Variants in ALCAM observed in about 807,000 individuals in gnomAD.
ALCAM encodes the protein CD166 antigen.
In ALCAM, 30 loss-of-function variants were observed where a neutral mutation model predicts 70.9. The ratio of observed to expected loss-of-function variants is 0.42; its 90% CI spans 0.32 to 0.57. ALCAM has a LOEUF of 0.57. Among genes scored for constraint, ALCAM ranks in the 20% least tolerant of loss-of-function variants. ALCAM has a pLI of 0.11. For synonymous variants in ALCAM, 249 were observed against 242.5 expected (o/e 1.03, Z -0.25); for missense variants, 591 against 695.1 (o/e 0.85, Z 1.68).
At chr3:105,528,775 T>C (rs1444652662) in intron 3 of ALCAM, among the ~76,000 whole-genome samples, 1 of 152,088 alleles carries the variant, frequency 6.6e-6, no homozygotes, top group Non-Finnish European at 1.5e-5. Context: ...AAATAACTAA[T>C]AGGTACTAGG....
intron 1 of ALCAM, among the ~76,000 whole-genome samples, chr3:105,445,440 A>C (rs1576167656): frequency 6.6e-6 from 1 of 152,326 alleles, no homozygotes; most frequent in East Asian, 1.9e-4. Context: ...AATCCCTATC[A>C]AAATATCAAT....
At chr3:105,452,100 G>T (rs13100997) in intron 1 of ALCAM, among the ~76,000 whole-genome samples, 81,531 of 151,076 alleles carry the variant, frequency 0.54, 22,637 homozygotes, top group East Asian at 0.88. Flanking sequence ...TCATTTTTTG[G>T]TTTTTTTTTC....
chr3:105,489,048 C>T (rs1938509168), intron 1 of ALCAM, among the ~76,000 whole-genome samples: 1 of 152,012 alleles, frequency 6.6e-6, no homozygotes, highest in Admixed American at 6.6e-5. Context: ...GTATGTTATA[C>T]AACAAAGGCA....
At position 105,453,203 on chromosome 3, in the gene ALCAM, T is replaced by C. The variant is rs567092794; in HGVS notation, c.74-66864T>C. ...TTTTCTTCCAGGGTTATTATAATTTTGGGTTTTACATTTAAGTCTTTAATC... is the reference window on the plus strand; with the variant it reads ...TTTTCTTCCAGGGTTATTATAATTTCGGGTTTTACATTTAAGTCTTTAATC... On this transcript the variant is annotated intron_variant, in intron 1 of 15. Coordinates refer to ENST00000306107, the MANE Select transcript of ALCAM (RefSeq NM_001627.4). 3.9e-5 allele frequency among the ~76,000 whole-genome samples: 6 copies of C among 152,326 alleles called. No homozygotes were observed. The South Asian group carries it at 1.2e-3, about 32-fold the overall frequency.
At chr3:105,510,718 A>G (rs1401825982) in intron 1 of ALCAM, among the ~76,000 whole-genome samples, 1 of 152,036 alleles carries the variant, frequency 6.6e-6, no homozygotes, top group East Asian at 1.9e-4. Flanking sequence ...TAATCAGTCT[A>G]CAGGTGCCAT....
At chr3:105,551,294 G>T (rs1282215636) in intron 12 of ALCAM, among the ~76,000 whole-genome samples, 1 of 151,674 alleles carries the variant, frequency 6.6e-6, no homozygotes. Context: ...CCTAGGAAGA[G>T]AACCTACCCT....
At chr3:105,384,023 G>C (rs918910198) in intron 1 of ALCAM, among the ~76,000 whole-genome samples, 1 of 151,490 alleles carries the variant, frequency 6.6e-6, no homozygotes, top group African/African-American at 2.4e-5. Context: ...TAACATATTT[G>C]TACCACTGAA....
At chr3:105,559,714 G>A (rs752016788) in intron 14 of ALCAM, among the ~76,000 whole-genome samples, 2 of 151,986 alleles carry the variant, frequency 1.3e-5, no homozygotes, top group Non-Finnish European at 2.9e-5. Flanking sequence ...CTTCTTTTTT[G>A]TCCAGCCCCA....
intron 1 of ALCAM, among the ~76,000 whole-genome samples, chr3:105,426,181 C>T (rs751417119): frequency 2.0e-5 from 3 of 151,718 alleles, no homozygotes; most frequent in Non-Finnish European, 4.4e-5. Flanking sequence ...CATCTAAGCT[C>T]TCTGGGCCTT....
intron 14 of ALCAM, among the ~76,000 whole-genome samples, chr3:105,569,380 T>G (rs1031950826): frequency 6.6e-6 from 1 of 152,154 alleles, no homozygotes; most frequent in Non-Finnish European, 1.5e-5. Context: ...TCTTACTGAT[T>G]TATAGAAATT....
At chr3:105,486,261 A>G (rs1248899044) in intron 1 of ALCAM, among the ~76,000 whole-genome samples, 2 of 152,150 alleles carry the variant, frequency 1.3e-5, no homozygotes, top group Non-Finnish European at 2.9e-5. Context: ...ATAGTGAAAG[A>G]TACTTCTAAA....
At chr3:105,386,147 T>C (rs1935649640) in intron 1 of ALCAM, among the ~76,000 whole-genome samples, 1 of 151,564 alleles carries the variant, frequency 6.6e-6, no homozygotes, top group South Asian at 2.1e-4. Flanking sequence ...GAAGTTAAAA[T>C]TAAGAAATGA....
At chr3:105,436,340 T>C (rs1440961277) in intron 1 of ALCAM, among the ~76,000 whole-genome samples, 14 of 151,982 alleles carry the variant, frequency 9.2e-5, no homozygotes, top group Admixed American at 9.2e-4. Flanking sequence ...TTTATTTTAT[T>C]TTATTTATTT....
intron 1 of ALCAM, among the ~76,000 whole-genome samples, chr3:105,480,351 CAATA>C (rs200096110): frequency 0.15 from 22,533 of 150,136 alleles, 1,960 homozygotes; most frequent in East Asian, 0.34. Context: ...GATGTTGTCT[CAATA>C]AATAAATAAA....
intron 1 of ALCAM, among the ~76,000 whole-genome samples, chr3:105,413,489 G>A (rs542038751): frequency 3.7e-4 from 57 of 152,076 alleles, no homozygotes; most frequent in Non-Finnish European, 6.9e-4. Context: ...CTGTAGGCTA[G>A]AATATGCGCA....
rs940120013 is a variant in ALCAM at position 105,528,897 on chromosome 3, C to T, written c.395-3105C>T. Among the ~76,000 whole-genome samples, 6 of 152,172 alleles carry T rather than the reference C, an allele frequency of 3.9e-5. No homozygotes were observed. The East Asian group carries it at 1.2e-3, about 29-fold the overall frequency. ...AGCTTAAAACAAAAGTATTACAAAC[C>T]GAAACCATTTGAGTCTTAGCATTAT... On this transcript the variant is annotated intron_variant, in intron 3 of 15. Coordinates refer to ENST00000306107, the MANE Select transcript of ALCAM (RefSeq NM_001627.4).
intron 1 of ALCAM, among the ~76,000 whole-genome samples, chr3:105,476,696 T>C (rs924064351): frequency 3.9e-5 from 6 of 152,118 alleles, no homozygotes; most frequent in African/African-American, 1.2e-4. Flanking sequence ...TATCCACCTT[T>C]GGTTGCTCAA....
At chr3:105,418,764 T>C (rs1287787819) in intron 1 of ALCAM, among the ~76,000 whole-genome samples, 6 of 151,786 alleles carry the variant, frequency 4.0e-5, no homozygotes, top group African/African-American at 1.4e-4. Flanking sequence ...AAAGCAGTGA[T>C]TGATACTATA....
chr3:105,409,845 A>G (rs184450950), intron 1 of ALCAM, among the ~76,000 whole-genome samples: 21 of 152,152 alleles, frequency 1.4e-4, no homozygotes, highest in African/African-American at 4.8e-4. Context: ...TTTTTTAGAG[A>G]TGTTTTATAT....
Sources: gnomAD v4.1 joint callset for allele counts (sites outside exome capture counted in the v4.1 genomes callset) on GRCh38, gnomAD v4.1.1 for gene constraint, MANE v1.5 for transcripts, NCBI Gene and HGNC (gene_info 2026-07-23, HGNC 2026-07-21) for gene names.